AGRN: variants seen among roughly 807,000 people sequenced by gnomAD.
AGRN encodes the protein agrin proteoglycan.
In AGRN, 106 loss-of-function variants were observed where a neutral mutation model predicts 211.0. That is an observed-to-expected ratio of 0.50 (90% CI 0.43 to 0.59). AGRN has a LOEUF of 0.59. AGRN is among the 20% of genes least tolerant of loss of function. AGRN has a pLI of 0.00. For missense variants in AGRN, 3,040 were observed against 2,982.6 expected (o/e 1.02, Z -0.45); for synonymous variants, 1,525 against 1,332.5 (o/e 1.14, Z -3.15).
At position 1,048,990 on chromosome 1, in the gene AGRN, T is replaced by A; in HGVS notation, c.4229T>A (p.Leu1410Gln). ...FRALEPQGLLLYNGNARGKDF... is the reference protein window; with the variant it reads ...FRALEPQGLLQYNGNARGKDF... ...GCGCTGGAGCCTCAGGGGCTGCTGC[T>A]GTACAATGGCAACGCCCGGGGCAAG... Residue 1410 changes from leucine to glutamine, a missense_variant, in exon 24 of 36, where the codon CTG becomes CAG. Physicochemically the swap from Leu to Gln is moderately radical, Grantham distance 113 (BLOSUM62 -2). Around this residue, in one of 3 missense-constraint regions of AGRN, gnomAD observed 1,537 missense variants for 1,505.0 expected, o/e 1.02. Transcript: ENST00000379370. This position sits in a 1 kb window ranked among gnomAD's most constrained non-coding sequence, Gnocchi z 5.9. The A allele has an allele frequency of 6.3e-7, 1 of 1,580,606 alleles. No homozygotes were observed. The highest frequency in any genetic ancestry group is 8.6e-7 in the Non-Finnish European group (1 of 1,165,572).
Position 1,052,476 on chromosome 1 carries a change from A to G in AGRN, c.5651+661A>G, listed in dbSNP as rs144703887. 2.3e-4 allele frequency: 62 copies of G among 274,790 alleles called. 1 individual carries two copies. The Admixed American group carries it at 2.8e-3, about 12-fold the overall frequency. The allele number at this position is 274,790 out of a possible 1,614,324, so 17.0% of individuals were successfully genotyped here. Reference sequence around the variant, plus strand: ...GCCGTGTGTGTGCATGGCTCCATGTATGTGTGTGTATATGAGGGAGACATG... The same window carrying G: ...GCCGTGTGTGTGCATGGCTCCATGTGTGTGTGTGTATATGAGGGAGACATG... On this transcript the variant is annotated intron_variant, in intron 33 of 35. Transcript: ENST00000379370.
chr1:1,047,164 T>C, intron 19 of AGRN, 163 bp from the exon 20 acceptor site: 1 of 1,360,478 alleles, frequency 7.4e-7, no homozygotes, highest in Non-Finnish European at 9.8e-7. Context: ...GTCCTCCTGG[T>C]AACCGACACC....
In AGRN at chr1:1,046,337, G is replaced by T. The variant is rs969149719; in HGVS notation, c.2912-60G>T. 3.1e-6 allele frequency: 5 copies of T among 1,598,200 alleles called. No individual in the cohort carries two copies. The East Asian group carries it at 6.7e-5, about 22-fold the overall frequency. On this transcript the variant is annotated intron_variant, in intron 17 of 35. Transcript: ENST00000379370. ...CGCTGCCCTAAATCCAGCCCCACCC[G>T]CCCTGAGCCACCTGACCCTGTCCCA...
chr1:1,044,516 C>T (rs1391805024), intron 12 of AGRN, 77 bp downstream of exon 12: 12 of 1,424,890 alleles, frequency 8.4e-6, no homozygotes, highest in East Asian at 5.0e-5. Context: ...TGGGCGTGCC[C>T]GTGTGCTGCG....
At position 1,046,809 on chromosome 1, in the gene AGRN, C is replaced by G; in HGVS notation, c.3251-11C>G. On this transcript the variant is annotated splice_polypyrimidine_tract_variant and intron_variant, in intron 18 of 35. Transcript: ENST00000379370. Reference sequence around the variant, plus strand: ...TCCACCAGAGCCTGGGCTCAGAGCGCGTCTCCCCAGGGCTCGAGCCCTTGG... The same window carrying G: ...TCCACCAGAGCCTGGGCTCAGAGCGGGTCTCCCCAGGGCTCGAGCCCTTGG... The G allele has an allele frequency of 1.3e-6, 2 of 1,578,220 alleles. No individual in the cohort carries two copies. Among genetic ancestry groups the G allele is most frequent in the Middle Eastern group, 3.3e-4 (2 of 6,018 alleles).
chr1:1,041,233 C>T lies in AGRN; in HGVS notation c.788C>T (p.Ala263Val). Residue 263 changes from alanine to valine, a missense_variant, in exon 5 of 36, where the codon GCC becomes GTC. By Grantham distance (64) the Ala-to-Val change is moderately conservative (BLOSUM62 0). This residue lies in a region of AGRN where 1,498 missense variants were observed against 1,457.8 expected (regional missense o/e 1.03). Transcript: ENST00000379370. ...CSFGSTCARSADGLTASCLCP... is the reference protein window; with the variant it reads ...CSFGSTCARSVDGLTASCLCP... Reference sequence around the variant, plus strand: ...TTCGGCAGCACCTGTGCGCGCTCGGCCGACGGGCTGACGGCCTCGTGCCTG... The same window carrying T: ...TTCGGCAGCACCTGTGCGCGCTCGGTCGACGGGCTGACGGCCTCGTGCCTG... 2 of 1,486,994 alleles carry T rather than the reference C, an allele frequency of 1.3e-6. No individual in the cohort carries two copies. Among genetic ancestry groups the T allele is most frequent in the East Asian group, 2.8e-5 (1 of 35,158 alleles). 92.1% of individuals were successfully genotyped at this position (1,486,994 alleles called of 1,614,324 possible).
rs779170859 is a variant in AGRN, at chr1:1,041,197, T to C, written c.752T>C (p.Val251Ala). Reference protein sequence around the residue: ...PCGSRDPCSNVTCSFGSTCAR... With the variant: ...PCGSRDPCSNATCSFGSTCAR... ...GGCTCGCGGGACCCCTGCTCCAACGTGACCTGCAGCTTCGGCAGCACCTGT... is the reference window on the plus strand; with the variant it reads ...GGCTCGCGGGACCCCTGCTCCAACGCGACCTGCAGCTTCGGCAGCACCTGT... The change falls in exon 5 of 36, where the codon GTG (valine) becomes GCG (alanine). Residue 251 changes from valine (V) to alanine (A), a missense_variant. This residue lies in a region of AGRN where 1,498 missense variants were observed against 1,457.8 expected (regional missense o/e 1.03). Transcript: ENST00000379370. 236 of 1,462,122 alleles carry C rather than the reference T, an allele frequency of 1.6e-4. 3 individuals are homozygous for C. In the African/African-American group the frequency reaches 3.1e-3, roughly 19 times the overall value. The allele number at this position is 1,462,122 out of a possible 1,614,324, so 90.6% of individuals were successfully genotyped here. A position where few individuals can be genotyped will look rare whatever the true frequency, so the allele number is the denominator to read the frequency against.
Position 1,043,232 on chromosome 1 carries a change from T to C in AGRN, c.1385-7T>C, listed in dbSNP as rs1279401021. On this transcript the variant is annotated splice_polypyrimidine_tract_variant and splice_region_variant and intron_variant, in intron 7 of 35. Coordinates refer to ENST00000379370, the MANE Select transcript of AGRN (RefSeq NM_198576.4). ...GTGGGACCACTGAGCCCCTGTGTCC[T>C]TCCCAGACCAGGCCCCGTCCCCATG... 6.3e-7 allele frequency: 1 copy of C among 1,596,732 alleles called. No individual in the cohort carries two copies. Among genetic ancestry groups the C allele is most frequent in the Non-Finnish European group, 8.5e-7 (1 of 1,173,390 alleles).
chr1:1,051,592 C>T lies in AGRN; in HGVS notation c.5510C>T (p.Ala1837Val). Residue 1837 changes from alanine (A) to valine (V), a missense_variant, in exon 32 of 36, where the codon GCT becomes GTT. By Grantham distance (64) the Ala-to-Val change is moderately conservative. This residue lies in a region of AGRN where 1,537 missense variants were observed against 1,505.0 expected (regional missense o/e 1.02). Transcript: ENST00000379370. ...GGGGCCTCCTGCGTCCCGAGGGAGG[C>T]TGCCTATGTGTGCCTGTGTCCCGGG... ...LNGASCVPRE[A>V]AYVCLCPGGF... 1.2e-6 allele frequency: 2 copies of T among 1,603,890 alleles called. No homozygotes were observed. Among genetic ancestry groups the T allele is most frequent in the East Asian group, 2.2e-5 (1 of 44,616 alleles).
In AGRN at chr1:1,041,505, C is replaced by A. The variant is rs774941993; in HGVS notation, c.980C>A (p.Pro327Gln). 5.6e-5 allele frequency: 89 copies of A among 1,598,356 alleles called. No homozygotes were observed. In the East Asian group the frequency reaches 1.9e-3, roughly 35 times the overall value. The change falls in exon 6 of 36, where the codon CCG becomes CAG. Residue 327 changes from proline (P) to glutamine (Q), a missense_variant. By Grantham distance (76) the Pro-to-Gln change is moderately conservative. Coordinates refer to ENST00000379370, the MANE Select transcript of AGRN (RefSeq NM_198576.4). ...CCCTGTCAGGGCGCCCTCCCTGACC[C>A]GAGCCGCAGCTGCCGTGTGAACCCG... ...CDPCQGALPD[P>Q]SRSCRVNPRT...
At chr1:1,034,453 C>T in intron 2 of AGRN, 1 of 985,716 alleles carries the variant, frequency 1.0e-6, no homozygotes, top group Non-Finnish European at 1.2e-6. Flanking sequence ...TCCGCCGCCC[C>T]AGGGGTCCCA....
Position 1,050,840 on chromosome 1 carries a change from G to A in AGRN, c.5253+3G>A. ...CCCGTGTGTTGGGGGAGTCCCCGGTGAGTGCTCTGGGCCGCGAGGGGACTC... is the reference window on the plus strand; with the variant it reads ...CCCGTGTGTTGGGGGAGTCCCCGGTAAGTGCTCTGGGCCGCGAGGGGACTC... On this transcript the variant is annotated splice_donor_region_variant and intron_variant, in intron 30 of 35. Coordinates refer to ENST00000379370, the MANE Select transcript of AGRN (RefSeq NM_198576.4). 8 of 1,563,896 alleles carry A rather than the reference G, an allele frequency of 5.1e-6. No individual in the cohort carries two copies. The highest frequency in any genetic ancestry group is 6.9e-6 in the Non-Finnish European group (8 of 1,158,468).
chr1:1,033,037 C>A (rs1008615026), intron 2 of AGRN, among the ~76,000 whole-genome samples: 8 of 152,092 alleles, frequency 5.3e-5, no homozygotes, highest in African/African-American at 1.9e-4. Flanking sequence ...CCCAGATGGG[C>A]CCAGACCCCC....
At chr1:1,042,733 G>A (rs1265142070) in intron 7 of AGRN, among the ~76,000 whole-genome samples, 1 of 152,192 alleles carries the variant, frequency 6.6e-6, no homozygotes, top group Non-Finnish European at 1.5e-5. Flanking sequence ...TGCCCTCCAG[G>A]AGCCCGCAGC....
rs1570232934 is a variant in AGRN, at chr1:1,048,080, A to G, written c.3820A>G (p.Thr1274Ala). 2.5e-6 allele frequency: 4 copies of G among 1,581,282 alleles called. No individual in the cohort carries two copies. Among genetic ancestry groups the G allele is most frequent in the Non-Finnish European group, 3.4e-6 (4 of 1,170,922 alleles). Residue 1274 changes from threonine (T) to alanine (A), a missense_variant, in exon 23 of 36, where the codon ACC becomes GCC. Transcript: ENST00000379370. The surrounding 1 kb of genome is among the most constrained non-coding windows in gnomAD (Gnocchi z 5.9). ...AIAAGATARA[T>A]TASRLPSSAV... The stretch of plus-strand genomic sequence containing the variant: ...TGCTGCGGGAGCCACGGCCAGAGCC[A>G]CCACTGCATCGCGCCTGCCGTCCTC...
At position 1,049,467 on chromosome 1, in the gene AGRN, G is replaced by C. The variant is rs112917612; in HGVS notation, c.4514+16G>C. The stretch of plus-strand genomic sequence containing the variant: ...AGGCTGCCGTGTGAGTCCCTTGGAG[G>C]GTGGTGTGGCCCCGACCCCGGCCCT... On this transcript the variant is annotated intron_variant, in intron 25 of 35. Transcript: ENST00000379370. The C allele has an allele frequency of 0.017, 27,164 of 1,600,510 alleles. 1,445 individuals carry two copies. The African/African-American group carries it at 0.19, about 11-fold the overall frequency.
intron 3 of AGRN, among the ~76,000 whole-genome samples, chr1:1,039,925 A>G (rs1031031633): frequency 1.1e-4 from 16 of 152,166 alleles, no homozygotes; most frequent in Non-Finnish European, 1.5e-4. Context: ...AGAATAGGAG[A>G]TAGTAGAGGC....
At position 1,046,008 on chromosome 1, in the gene AGRN, G is replaced by C; in HGVS notation, c.2725G>C (p.Gly909Arg). 6.2e-7 allele frequency: 1 copy of C among 1,613,956 alleles called. No homozygotes were observed. The highest frequency in any genetic ancestry group is 8.5e-7 in the Non-Finnish European group (1 of 1,180,018). Residue 909 changes from glycine to arginine, a missense_variant, in exon 16 of 36, where the codon GGT becomes CGT. This residue lies in a region of AGRN where 1,498 missense variants were observed against 1,457.8 expected (regional missense o/e 1.03). Transcript: ENST00000379370. ...CTGTGCGGAGATGCGCTGTGAGTTC[G>C]GTGCGCGGTGCGTGGAGGAGTCTGG... The part of the protein sequence containing the change: ...ATCAEMRCEF[G>R]ARCVEESGSA...
At chr1:1,034,932 G>A (rs1342753894) in intron 2 of AGRN, 7 of 427,814 alleles carry the variant, frequency 1.6e-5, no homozygotes, top group East Asian at 4.0e-5. Context: ...GGGGAGGGAG[G>A]GGCAGCCGGC....
Sources: allele counts gnomAD v4.1 joint callset (sites outside exome capture counted in the v4.1 genomes callset), GRCh38; gene constraint gnomAD v4.1.1; regional missense constraint gnomAD v4.1.1; non-coding constraint Gnocchi (gnomAD v3.1); transcripts MANE v1.5; gene names NCBI Gene and HGNC (gene_info 2026-07-23, HGNC 2026-07-21).